HIBCH: variants seen among roughly 807,000 people sequenced by gnomAD.
HIBCH encodes the protein 3-hydroxyisobutyryl-CoA hydrolase, mitochondrial.
HIBCH carries 50 observed loss-of-function variants against 58.2 expected under a neutral mutation model. The ratio of observed to expected loss-of-function variants is 0.86; its 90% CI spans 0.68 to 1.09. The LOEUF (loss-of-function observed/expected upper bound fraction) is 1.09, where lower values mean the gene tolerates loss of function less well. Ranked by LOEUF, HIBCH falls within the 50% of genes least tolerant of loss-of-function variation. The probability of loss-of-function intolerance (pLI) is 0.00; values close to 1 mark genes in which losing one functional copy is unlikely to be tolerated. For synonymous variants in HIBCH, 151 were observed against 146.9 expected, an observed-to-expected ratio of 1.03 and a Z score of -0.20; for missense variants, 450 against 449.7, an observed-to-expected ratio of 1.00 and a Z score of -0.01.
intron 6 of HIBCH, among the ~76,000 whole-genome samples, chr2:190,285,309 T>C (rs1687803304): frequency 6.6e-6 from 1 of 152,196 alleles, no homozygotes; most frequent in African/African-American, 2.4e-5. Context: ...ATGCCCATTG[T>C]TTTTGTCTTC....
chr2:190,264,640 T>C (rs1429450845), intron 6 of HIBCH, among the ~76,000 whole-genome samples: 37 of 152,258 alleles, frequency 2.4e-4, no homozygotes, highest in Admixed American at 2.4e-3. Context: ...TTCTTTTTCA[T>C]TGTATAGCAC....
chr2:190,256,551 G>T (rs1342209490), intron 7 of HIBCH, among the ~76,000 whole-genome samples: 1 of 149,252 alleles, frequency 6.7e-6, no homozygotes, highest in Non-Finnish European at 1.5e-5. Context: ...ATACTTAAAA[G>T]AATACAAAAA....
intron 1 of HIBCH, among the ~76,000 whole-genome samples, chr2:190,313,023 T>C (rs1688599114): frequency 6.6e-6 from 1 of 152,226 alleles, no homozygotes; most frequent in Non-Finnish European, 1.5e-5. Context: ...AGCTTAAACC[T>C]GGGAGGCAGA....
At chr2:190,277,461 T>C (rs1687584585) in intron 6 of HIBCH, among the ~76,000 whole-genome samples, 1 of 152,202 alleles carries the variant, frequency 6.6e-6, no homozygotes, top group Non-Finnish European at 1.5e-5. Flanking sequence ...TTCTTTTACA[T>C]TATTGTAAGA....
In HIBCH at chr2:190,216,751, C is replaced by T. The variant is rs1040471226; in HGVS notation, c.892-3676G>A. On this transcript the variant is annotated intron_variant, in intron 11 of 13. Transcript: ENST00000359678. The surrounding 1 kb of genome is among the most constrained non-coding windows in gnomAD (Gnocchi z 4.2). Reference sequence around the variant, plus strand: ...TGCAATCCCTGAAGTAGAGAGAGCTCGTGCTGGGGAGAAGTCTGCCAAGAC... The same window carrying T: ...TGCAATCCCTGAAGTAGAGAGAGCTTGTGCTGGGGAGAAGTCTGCCAAGAC... Among the ~76,000 whole-genome samples, 3 of 152,168 alleles carry T rather than the reference C, an allele frequency of 2.0e-5. No homozygotes were observed. The highest frequency in any genetic ancestry group is 2.9e-5 in the Non-Finnish European group (2 of 68,028).
chr2:190,253,486 G>T (rs890467939), intron 7 of HIBCH, among the ~76,000 whole-genome samples: 1 of 151,920 alleles, frequency 6.6e-6, no homozygotes, highest in Non-Finnish European at 1.5e-5. Flanking sequence ...TAACCTCCCC[G>T]CGCCAGTCCC....
chr2:190,259,563 A>G (rs1167018135), intron 7 of HIBCH, among the ~76,000 whole-genome samples: 1 of 152,154 alleles, frequency 6.6e-6, no homozygotes, highest in Middle Eastern at 3.2e-3. Flanking sequence ...TTCGCCATAC[A>G]GATTTTACCT....
At chr2:190,302,197 T>C (rs1455954932) in intron 2 of HIBCH, among the ~76,000 whole-genome samples, 1 of 152,200 alleles carries the variant, frequency 6.6e-6, no homozygotes, top group African/African-American at 2.4e-5. Flanking sequence ...AAACACAGCC[T>C]CTGGCAGAAG....
chr2:190,229,203 ATGTATATTTAGAT>A (rs1233360685), intron 11 of HIBCH, among the ~76,000 whole-genome samples: 3 of 152,226 alleles, frequency 2.0e-5, no homozygotes, highest in African/African-American at 7.2e-5. Context: ...TTTGGAATTC[ATGTATATTTAGAT>A]CACTTTACTT....
At position 190,197,374 on chromosome 2, in the gene HIBCH, G is replaced by C. The variant is rs73978988; in HGVS notation, c.*18-7377C>G. Among the ~76,000 whole-genome samples the C allele has an allele frequency of 0.019, 2,963 of 152,204 alleles. 113 individuals are homozygous for C. The highest frequency in any genetic ancestry group is 0.067 in the African/African-American group (2,761 of 41,506). On this transcript the variant is annotated intron_variant, in intron 1 of 1. Transcript: ENST00000399855. The surrounding 1 kb of genome is among the most constrained non-coding windows in gnomAD (Gnocchi z 4.0). ...GGATTCTAAGTACTGTATAACTTCT[G>C]GTGTCACTGTTCAACTCTTAAGTCC...
intron 6 of HIBCH, among the ~76,000 whole-genome samples, chr2:190,268,787 G>A (rs528523656): frequency 4.1e-4 from 62 of 152,268 alleles, no homozygotes; most frequent in African/African-American, 1.4e-3. Flanking sequence ...CCCATAGGCA[G>A]CATGCCCAGA....
intron 11 of HIBCH, among the ~76,000 whole-genome samples, chr2:190,235,724 C>G (rs1686253944): frequency 6.6e-6 from 1 of 152,066 alleles, no homozygotes; most frequent in Non-Finnish European, 1.5e-5. Context: ...TCTGGAATAC[C>G]CTTTGGCACC....
chr2:190,289,461 G>A (rs1041989705), intron 5 of HIBCH, among the ~76,000 whole-genome samples: 3 of 151,982 alleles, frequency 2.0e-5, no homozygotes, highest in African/African-American at 7.3e-5. Flanking sequence ...TATGGTCTAG[G>A]AGAATACACT....
At chr2:190,231,200 C>G (rs13405019) in intron 11 of HIBCH, among the ~76,000 whole-genome samples, 1 of 151,824 alleles carries the variant, frequency 6.6e-6, no homozygotes, top group African/African-American at 2.4e-5. Context: ...TTTTACACTA[C>G]GCACAAAAAA....
chr2:190,282,529 C>T (rs1486992000), intron 6 of HIBCH, among the ~76,000 whole-genome samples: 1 of 152,222 alleles, frequency 6.6e-6, no homozygotes, highest in Non-Finnish European at 1.5e-5. Context: ...AAGAAAGATA[C>T]TAATCCATCT....
At chr2:190,251,578 G>A (rs1305763794) in intron 8 of HIBCH, 1 of 434,704 alleles carries the variant, frequency 2.3e-6, no homozygotes, top group Non-Finnish European at 4.8e-6. Context: ...GGAAAATGGG[G>A]GGCAAAAGAG....
At chr2:190,258,186 A>G (rs535980440) in intron 7 of HIBCH, among the ~76,000 whole-genome samples, 6 of 151,318 alleles carry the variant, frequency 4.0e-5, no homozygotes, top group Admixed American at 2.0e-4. Context: ...TTCTCCCTTC[A>G]CTCTCCTGCC....
intron 2 of HIBCH, among the ~76,000 whole-genome samples, chr2:190,302,608 T>C (rs573092902): frequency 1.3e-5 from 2 of 152,224 alleles, no homozygotes; most frequent in East Asian, 3.9e-4. Flanking sequence ...TTTCGGCTGG[T>C]TTCTGTTTAA....
At position 190,210,621 on chromosome 2, in the gene HIBCH, C is replaced by A. The variant is rs769387879; in HGVS notation, c.1012-1708G>T. The stretch of plus-strand genomic sequence containing the variant: ...ACTCAGCCAAAGTCCTTAGAGAGAC[C>A]TTCAAGGCTCTGTATGCTCTGCACA... On this transcript the variant is annotated intron_variant, in intron 12 of 13. Transcript: ENST00000359678. The surrounding 1 kb of genome is among the most constrained non-coding windows in gnomAD (Gnocchi z 5.5). Among the ~76,000 whole-genome samples, 1 of 152,134 alleles carries A rather than the reference C, an allele frequency of 6.6e-6. No individual in the cohort carries two copies. Among genetic ancestry groups the A allele is most frequent in the Non-Finnish European group, 1.5e-5 (1 of 68,036 alleles).
Sources: allele counts gnomAD v4.1 joint callset (sites outside exome capture counted in the v4.1 genomes callset), GRCh38; gene constraint gnomAD v4.1.1; non-coding constraint Gnocchi (gnomAD v3.1); transcripts MANE v1.5; gene names NCBI Gene and HGNC (gene_info 2026-07-23, HGNC 2026-07-21).